FOXP2: variants seen among roughly 807,000 people sequenced by gnomAD.
FOXP2 encodes forkhead box protein P2.
In FOXP2, 12 loss-of-function variants were observed where a neutral mutation model predicts 115.8. The ratio of observed to expected loss-of-function variants is 0.10; its 90% CI spans 0.07 to 0.17. The LOEUF is 0.17. Among genes scored for constraint, FOXP2 ranks in the 10% least tolerant of loss-of-function variants. The probability of loss-of-function intolerance (pLI) is 1.00; values close to 1 mark genes in which losing one functional copy is unlikely to be tolerated. For missense variants in FOXP2, 629 were observed against 843.5 expected (o/e 0.75, Z 3.15); for synonymous variants, 328 against 297.7 (o/e 1.10, Z -1.05).
chr7:114,457,674 A>G (rs1018195058), intron 2 of FOXP2, among the ~76,000 whole-genome samples: 11 of 152,164 alleles, frequency 7.2e-5, no homozygotes, highest in South Asian at 2.1e-4. Flanking sequence ...CAAGGCGGGC[A>G]GATCACGAGG....
chr7:114,570,423 TTGA>T (rs1801240435), intron 3 of FOXP2, among the ~76,000 whole-genome samples: 1 of 151,890 alleles, frequency 6.6e-6, no homozygotes, highest in Admixed American at 6.6e-5. Flanking sequence ...TTCAAAATTA[TTGA>T]TGATTACATT....
intron 1 of FOXP2, among the ~76,000 whole-genome samples, chr7:114,260,716 C>G (rs896396019): frequency 6.6e-6 from 1 of 152,098 alleles, no homozygotes; most frequent in African/African-American, 2.4e-5. Flanking sequence ...CACACACACA[C>G]CTTTCATATT....
chr7:114,192,207 T>A (rs546704905), intron 1 of FOXP2, among the ~76,000 whole-genome samples: 4 of 152,060 alleles, frequency 2.6e-5, no homozygotes, highest in Non-Finnish European at 4.4e-5. Context: ...GGATGGTCTC[T>A]ATCTCTTGAC....
chr7:114,622,046 T>C (rs1804284315), intron 3 of FOXP2, among the ~76,000 whole-genome samples: 1 of 152,036 alleles, frequency 6.6e-6, no homozygotes, highest in Admixed American at 6.6e-5. Context: ...GGGTAGACTC[T>C]GTTTCATACA....
chr7:114,336,308 T>C (rs1369316703), intron 2 of FOXP2, among the ~76,000 whole-genome samples: 7 of 151,590 alleles, frequency 4.6e-5, no homozygotes, highest in African/African-American at 1.7e-4. Context: ...AAAATAATCA[T>C]GCAGGTAAAC....
chr7:114,492,137 TG>T (rs1797090477), intron 2 of FOXP2, among the ~76,000 whole-genome samples: 1 of 152,204 alleles, frequency 6.6e-6, no homozygotes, highest in African/African-American at 2.4e-5. Flanking sequence ...GGTTTAGTCT[TG>T]GGAGGGTGTA....
intron 3 of FOXP2, among the ~76,000 whole-genome samples, chr7:114,542,953 A>T (rs895866665): frequency 6.6e-6 from 1 of 151,728 alleles, no homozygotes; most frequent in South Asian, 2.1e-4. Context: ...ACCATGCCCA[A>T]CTAATTTTTG....
At chr7:114,403,014 C>T (rs779674679) in intron 2 of FOXP2, among the ~76,000 whole-genome samples, 1 of 152,148 alleles carries the variant, frequency 6.6e-6, no homozygotes, top group Admixed American at 6.6e-5. Context: ...TGTTCATAGA[C>T]TGTCTAGATT....
chr7:114,134,574 G>A (rs995474134), intron 1 of FOXP2, among the ~76,000 whole-genome samples: 2 of 150,792 alleles, frequency 1.3e-5, no homozygotes, highest in Admixed American at 6.6e-5. Flanking sequence ...TTAGCCGGGC[G>A]TAGTGGCGGG....
chr7:114,602,646 A>G (rs1344415342), intron 3 of FOXP2, among the ~76,000 whole-genome samples: 1 of 152,102 alleles, frequency 6.6e-6, no homozygotes, highest in African/African-American at 2.4e-5. Context: ...AATCCTGTCA[A>G]TCAGGTTGCT....
At chr7:114,605,646 G>A (rs375804816) in intron 3 of FOXP2, among the ~76,000 whole-genome samples, 2 of 152,176 alleles carry the variant, frequency 1.3e-5, no homozygotes, top group East Asian at 3.9e-4. Flanking sequence ...TGGGTTGATC[G>A]AGGTGTTTGC....
intron 2 of FOXP2, among the ~76,000 whole-genome samples, chr7:114,521,517 A>T: frequency 7.5e-6 from 1 of 133,158 alleles, no homozygotes; most frequent in East Asian, 2.3e-4. Flanking sequence ...TGGGCAAAAC[A>T]GCAGGACACT....
intron 16 of FOXP2, among the ~76,000 whole-genome samples, chr7:114,680,046 A>G (rs1808004211): frequency 1.3e-5 from 2 of 152,158 alleles, no homozygotes; most frequent in Non-Finnish European, 2.9e-5. Flanking sequence ...AGGTACTTCA[A>G]TTTCAGTTAC....
chr7:114,639,596 G>T (rs960686971), intron 6 of FOXP2, among the ~76,000 whole-genome samples: 1 of 152,102 alleles, frequency 6.6e-6, no homozygotes, highest in Non-Finnish European at 1.5e-5. Flanking sequence ...GGGGTTGATA[G>T]TATGGTTGGA....
chr7:114,121,839 C>T (rs77179623), intron 1 of FOXP2, among the ~76,000 whole-genome samples: 269 of 152,118 alleles, frequency 1.8e-3, no homozygotes, highest in African/African-American at 6.1e-3. Flanking sequence ...CAGAATAGGA[C>T]CAAATAGGTA....
chr7:114,618,809 G>A (rs563330451), intron 3 of FOXP2, among the ~76,000 whole-genome samples: 25 of 152,188 alleles, frequency 1.6e-4, no homozygotes, highest in Admixed American at 1.4e-3. Context: ...ATATGTCTTA[G>A]TATTCTACTT....
chr7:114,291,142 C>G (rs2129176456), intron 2 of FOXP2, among the ~76,000 whole-genome samples: 1 of 152,248 alleles, frequency 6.6e-6, no homozygotes, highest in Non-Finnish European at 1.5e-5. Context: ...TAATTTCTCA[C>G]AGTAATGGGT....
At position 114,686,160 on chromosome 7, in the gene FOXP2, C is replaced by A. The variant is rs1213578235; in HGVS notation, c.2004-3622C>A. Among the ~76,000 whole-genome samples, 4 of 151,572 alleles carry A rather than the reference C, an allele frequency of 2.6e-5. No homozygotes were observed. The East Asian group carries it at 7.7e-4, about 29-fold the overall frequency. On this transcript the variant is annotated intron_variant, in intron 16 of 16. Coordinates refer to ENST00000350908, the MANE Select transcript of FOXP2 (RefSeq NM_014491.4). The stretch of plus-strand genomic sequence containing the variant: ...TTTTATACTATAGTCTATGCAATAC[C>A]TGAAATTATAATACTTCTTTTTTTT...
chr7:114,428,540 T>C (rs1793971892), intron 2 of FOXP2, among the ~76,000 whole-genome samples: 1 of 151,482 alleles, frequency 6.6e-6, no homozygotes, highest in Non-Finnish European at 1.5e-5. Flanking sequence ...ACAATGGGTA[T>C]GGTGGGTGCC....
Sources: gnomAD v4.1 joint callset for allele counts (sites outside exome capture counted in the v4.1 genomes callset) on GRCh38, gnomAD v4.1.1 for gene constraint, MANE v1.5 for transcripts, NCBI Gene and HGNC (gene_info 2026-07-23, HGNC 2026-07-21) for gene names.